EFCAB3: variants seen among roughly 807,000 people sequenced by gnomAD.
EFCAB3 encodes EF-hand calcium-binding domain-containing protein 3.
Under a neutral mutation model 42.2 loss-of-function variants are expected in EFCAB3, and 36 were observed. The observed-to-expected ratio is 0.85, with a 90% confidence interval of 0.65 to 1.13. The LOEUF is 1.13. Among genes scored for constraint, EFCAB3 ranks in the 50% most tolerant of loss-of-function variants. EFCAB3 has a pLI of 0.00. For synonymous variants in EFCAB3, 170 were observed against 172.8 expected (o/e 0.98, Z 0.13); for missense variants, 418 against 505.1 (o/e 0.83, Z 1.65).
chr17:62,393,556 TCA>T lies in EFCAB3; in HGVS notation c.296-16_296-15del. On this transcript the variant is annotated splice_polypyrimidine_tract_variant and intron_variant, in intron 4 of 9. Transcript: ENST00000305286. ...ATACATCTTATCCTTGTCCTGAGTC[TCA>T]GATTTTTGTTGCAGGAGATGGGAAG... The T allele has an allele frequency of 6.2e-7, 1 of 1,609,314 alleles. No homozygotes were observed. The highest frequency in any genetic ancestry group is 1.1e-5 in the South Asian group (1 of 90,946).
chr17:62,390,991 A>C (rs1041143644), intron 3 of EFCAB3, among the ~76,000 whole-genome samples: 1 of 152,220 alleles, frequency 6.6e-6, no homozygotes, highest in Non-Finnish European at 1.5e-5. Context: ...CAAAACATAC[A>C]TACACACATA....
chr17:62,399,792 C>T (rs1265753372), intron 6 of EFCAB3, among the ~76,000 whole-genome samples: 1 of 152,142 alleles, frequency 6.6e-6, no homozygotes, highest in Admixed American at 6.6e-5. Context: ...CACTTCTCTG[C>T]TTTATTTTTC....
chr17:62,408,480 T>G (rs1182380819), intron 8 of EFCAB3, among the ~76,000 whole-genome samples: 1 of 152,206 alleles, frequency 6.6e-6, no homozygotes, highest in Non-Finnish European at 1.5e-5. Context: ...ACCAAAATTT[T>G]TATAACTTGT....
At chr17:62,379,026 A>G (rs897924674), upstream of EFCAB3, among the ~76,000 whole-genome samples, 1 of 152,204 alleles carries the variant, frequency 6.6e-6, no homozygotes, top group African/African-American at 2.4e-5. Context: ...CTGAAAGAAC[A>G]TTATCAATAA....
chr17:62,411,768 T>TAAAG (rs201372879), intron 8 of EFCAB3, among the ~76,000 whole-genome samples: 18 of 119,160 alleles, frequency 1.5e-4, no homozygotes, highest in Admixed American at 1.1e-4. Context: ...ACTCTGTCTC[T>TAAAG]AAAGAAAGAA....
chr17:62,370,924 C>G (rs1328966224), intron 1 of EFCAB3, among the ~76,000 whole-genome samples: 2 of 133,474 alleles, frequency 1.5e-5, no homozygotes, highest in African/African-American at 5.5e-5. Flanking sequence ...CCTGTCTCTA[C>G]AAAAAAAAAA....
rs116878586 is a variant in EFCAB3 at position 62,387,985 on chromosome 17, C to T, written c.151+569C>T. On this transcript the variant is annotated intron_variant, in intron 3 of 9. Transcript: ENST00000305286. ...TTTGGGAGGCTGAGGCAGGCCGGGC[C>T]GATCACCTGAGGTCAGGAGTCCGAG... 2.9e-4 allele frequency among the ~76,000 whole-genome samples: 44 copies of T among 152,012 alleles called. No individual in the cohort carries two copies. The East Asian group carries it at 8.1e-3, about 28-fold the overall frequency.
intron 6 of EFCAB3, among the ~76,000 whole-genome samples, chr17:62,396,063 A>G (rs2070345901): frequency 6.6e-6 from 1 of 152,210 alleles, no homozygotes; most frequent in Admixed American, 6.5e-5. Flanking sequence ...AATTCAACAC[A>G]TTGTTTAACT....
At chr17:62,402,129 A>G (rs1459707810) in intron 6 of EFCAB3, among the ~76,000 whole-genome samples, 1 of 152,096 alleles carries the variant, frequency 6.6e-6, no homozygotes, top group Non-Finnish European at 1.5e-5. Flanking sequence ...TGATTTTTGC[A>G]TATTGATTTT....
chr17:62,371,638 C>T (rs2070115422), intron 1 of EFCAB3, among the ~76,000 whole-genome samples: 1 of 152,116 alleles, frequency 6.6e-6, no homozygotes, highest in Admixed American at 6.5e-5. Context: ...TAAGTTGTGC[C>T]TGATGGTATG....
At chr17:62,399,961 T>C (rs1269542913) in intron 6 of EFCAB3, among the ~76,000 whole-genome samples, 2 of 152,148 alleles carry the variant, frequency 1.3e-5, no homozygotes, top group Admixed American at 6.5e-5. Context: ...GGAAAATGCT[T>C]GATATACACC....
At chr17:62,372,096 C>T (rs1278909263) in intron 1 of EFCAB3, among the ~76,000 whole-genome samples, 2 of 152,124 alleles carry the variant, frequency 1.3e-5, no homozygotes, top group African/African-American at 4.8e-5. Context: ...TCTACGAAGC[C>T]CAACTGAAAG....
At chr17:62,379,142 G>C (rs1158549259), upstream of EFCAB3, among the ~76,000 whole-genome samples, 1 of 152,096 alleles carries the variant, frequency 6.6e-6, no homozygotes, top group Admixed American at 6.5e-5. Flanking sequence ...CAACAATAAG[G>C]CTGGGCATGG....
intron 1 of EFCAB3, among the ~76,000 whole-genome samples, chr17:62,371,700 TA>T (rs2070115797): frequency 6.6e-6 from 1 of 151,964 alleles, no homozygotes; most frequent in African/African-American, 2.4e-5. Flanking sequence ...AACTAGAAAA[TA>T]AAATGAGTAT....
chr17:62,389,856 G>A (rs143178072), intron 3 of EFCAB3, among the ~76,000 whole-genome samples: 3,095 of 151,574 alleles, frequency 0.02, 117 homozygotes, highest in African/African-American at 0.07. Context: ...GTGCCATCTC[G>A]GCTCACTGCA....
upstream of EFCAB3, among the ~76,000 whole-genome samples, chr17:62,375,904 A>G (rs2070146503): frequency 1.3e-5 from 2 of 150,864 alleles, no homozygotes; most frequent in Non-Finnish European, 2.9e-5. Flanking sequence ...CTTTTGCTCC[A>G]GCTTCCCCTT....
intron 5 of EFCAB3, among the ~76,000 whole-genome samples, chr17:62,394,013 G>C (rs2070327505): frequency 6.6e-6 from 1 of 151,244 alleles, no homozygotes; most frequent in Non-Finnish European, 1.5e-5. Context: ...GGAGTGCAGT[G>C]GCACGATCTT....
intron 6 of EFCAB3, among the ~76,000 whole-genome samples, chr17:62,400,393 G>A (rs1025130265): frequency 3.9e-5 from 6 of 151,910 alleles, no homozygotes; most frequent in Non-Finnish European, 5.9e-5. Flanking sequence ...CTGACCCTAC[G>A]ACAGGCCCCA....
At chr17:62,393,724 G>T (rs1598012637) in intron 5 of EFCAB3, 80 bp downstream of exon 5, 5 of 1,271,570 alleles carry the variant, frequency 3.9e-6, no homozygotes, top group South Asian at 1.2e-5. Flanking sequence ...CAGGCTTCCA[G>T]TCGGGAGACA....
Sources: allele counts gnomAD v4.1 joint callset (sites outside exome capture counted in the v4.1 genomes callset), GRCh38; gene constraint gnomAD v4.1.1; transcripts MANE v1.5; gene names NCBI Gene and HGNC (gene_info 2026-07-23, HGNC 2026-07-21).